The following SDK1 variants were observed in gnomAD, a reference collection of about 807,000 sequenced individuals.
SDK1 encodes the protein protein sidekick-1.
A neutral mutation model predicts 245.5 loss-of-function variants in SDK1; 157 were observed. That is an observed-to-expected ratio of 0.64 (90% confidence interval 0.56 to 0.73). The LOEUF (loss-of-function observed/expected upper bound fraction) is 0.73, where lower values mean the gene tolerates loss of function less well. Among genes scored for constraint, SDK1 ranks in the 30% least tolerant of loss-of-function variants. The pLI, the probability that SDK1 is intolerant of heterozygous loss-of-function variation, is 0.00. For missense variants in SDK1, 3,583 were observed against 3,002.3 expected (o/e 1.19, Z -4.52); for synonymous variants, 1,647 against 1,278.5 (o/e 1.29, Z -6.15).
intron 35 of SDK1, among the ~76,000 whole-genome samples, chr7:4,182,407 G>T (rs186893806): frequency 1.3e-5 from 2 of 152,190 alleles, no homozygotes; most frequent in Admixed American, 1.3e-4. Context: ...TTGCCCCAGG[G>T]GTATTGCCAG....
intron 19 of SDK1, among the ~76,000 whole-genome samples, chr7:4,062,191 C>T (rs148361353): frequency 2.0e-5 from 3 of 151,994 alleles, no homozygotes; most frequent in Non-Finnish European, 4.4e-5. Context: ...AGGGAAGATA[C>T]ACAAAATCAA....
rs150913563 is a variant in SDK1, at chr7:3,994,723, A to G, written c.2131+7401A>G. Among the ~76,000 whole-genome samples the G allele has an allele frequency of 1.5e-3, 235 of 152,104 alleles. 2 individuals carry two copies. The highest frequency in any genetic ancestry group is 3.1e-4 in the Non-Finnish European group (21 of 68,012). ...ATTCTCTCCAACAAATCAATCAATAAATTTTATAGGGTTTACCTCATGCAT... is the reference window on the plus strand; with the variant it reads ...ATTCTCTCCAACAAATCAATCAATAGATTTTATAGGGTTTACCTCATGCAT... On this transcript the variant is annotated intron_variant, in intron 14 of 44. Transcript: ENST00000404826.
intron 1 of SDK1, among the ~76,000 whole-genome samples, chr7:3,335,105 A>G (rs1405435829): frequency 6.6e-6 from 1 of 152,222 alleles, no homozygotes; most frequent in African/African-American, 2.4e-5. Flanking sequence ...GGCCACCATC[A>G]TCACTAATAA....
chr7:3,441,357 C>A (rs1192177503), intron 1 of SDK1, among the ~76,000 whole-genome samples: 1 of 152,072 alleles, frequency 6.6e-6, no homozygotes, highest in East Asian at 1.9e-4. Flanking sequence ...TCTTGTACAT[C>A]ATGACATGTG....
At chr7:3,569,321 T>C (rs1051528394) in intron 1 of SDK1, among the ~76,000 whole-genome samples, 1 of 152,160 alleles carries the variant, frequency 6.6e-6, no homozygotes, top group South Asian at 2.1e-4. Context: ...CCGTGCATGA[T>C]TTGAGTGATC....
chr7:3,803,554 A>C (rs1192694706), intron 4 of SDK1, among the ~76,000 whole-genome samples: 1 of 150,700 alleles, frequency 6.6e-6, no homozygotes, highest in Non-Finnish European at 1.5e-5. Flanking sequence ...CAAGTGACTC[A>C]CCCACCTCAG....
At chr7:3,618,981 T>C in intron 1 of SDK1, 99 bp from the exon 2 acceptor site, 1 of 1,024,050 alleles carries the variant, frequency 9.8e-7, no homozygotes. Flanking sequence ...ACTTTCATTT[T>C]AATATTACGT....
chr7:3,683,921 A>T (rs1583304444), intron 4 of SDK1, among the ~76,000 whole-genome samples: 1 of 151,926 alleles, frequency 6.6e-6, no homozygotes, highest in Non-Finnish European at 1.5e-5. Context: ...TGTGTTGGCC[A>T]CTCCTGTCCC....
intron 17 of SDK1, among the ~76,000 whole-genome samples, chr7:4,018,743 G>T (rs1173778714): frequency 6.6e-6 from 1 of 152,190 alleles, no homozygotes; most frequent in African/African-American, 2.4e-5. Flanking sequence ...TTTGGACTCT[G>T]GCTTTTATTC....
chr7:4,077,087 G>C lies in SDK1; in HGVS notation c.3100G>C (p.Gly1034Arg), dbSNP rs1175605826. 8 of 1,614,196 alleles carry C rather than the reference G, an allele frequency of 5.0e-6. No homozygotes were observed. The highest frequency in any genetic ancestry group is 6.8e-6 in the Non-Finnish European group (8 of 1,180,026). ...CACGACGCACGAGTACAAGATCCAA[G>C]GCCTCTCATCTCTCACCACCTACAC... The part of the protein sequence containing the change: ...NSTTHEYKIQ[G>R]LSSLTTYTID... Residue 1034 changes from glycine to arginine, a missense_variant, in exon 21 of 45, where the codon GGC (glycine) becomes CGC (arginine). Transcript: ENST00000404826.
intron 1 of SDK1, among the ~76,000 whole-genome samples, chr7:3,493,414 A>G (rs964862596): frequency 2.0e-5 from 3 of 152,162 alleles, no homozygotes; most frequent in African/African-American, 7.2e-5. Context: ...ATTTTAATGG[A>G]TGCTTATAGT....
At chr7:3,862,081 G>T (rs964082272) in intron 5 of SDK1, among the ~76,000 whole-genome samples, 1 of 152,178 alleles carries the variant, frequency 6.6e-6, no homozygotes, top group Non-Finnish European at 1.5e-5. Flanking sequence ...GTGGGTGGGG[G>T]AGTTTCCTGC....
At chr7:4,232,411 C>CTTTTT (rs71032930) in intron 40 of SDK1, among the ~76,000 whole-genome samples, 17 of 98,774 alleles carry the variant, frequency 1.7e-4, no homozygotes, top group East Asian at 1.6e-3. Context: ...TCTTTTCTTT[C>CTTTTT]TTTTTTTTTT....
chr7:3,545,693 G>C (rs1779201740), intron 1 of SDK1, among the ~76,000 whole-genome samples: 1 of 152,150 alleles, frequency 6.6e-6, no homozygotes, highest in African/African-American at 2.4e-5. Flanking sequence ...CATTTTACCA[G>C]GCCAGAGCTG....
At chr7:4,048,484 C>A (rs946746499) in intron 17 of SDK1, among the ~76,000 whole-genome samples, 7 of 152,180 alleles carry the variant, frequency 4.6e-5, no homozygotes, top group African/African-American at 1.4e-4. Flanking sequence ...CGCTTCCCCC[C>A]ACCCCTCGTC....
chr7:4,011,587 C>G (rs1247016255), intron 15 of SDK1, among the ~76,000 whole-genome samples: 1 of 152,242 alleles, frequency 6.6e-6, no homozygotes, highest in African/African-American at 2.4e-5. Context: ...TCTGAAAAAT[C>G]TCATTCGGAG....
chr7:3,509,645 T>G (rs1782512585), intron 1 of SDK1, among the ~76,000 whole-genome samples: 1 of 152,138 alleles, frequency 6.6e-6, no homozygotes. Flanking sequence ...GGGCCCCTCT[T>G]CCTCAACTGT....
chr7:3,978,173 A>T (rs1196063884), intron 13 of SDK1, among the ~76,000 whole-genome samples: 1 of 151,956 alleles, frequency 6.6e-6, no homozygotes, highest in African/African-American at 2.4e-5. Context: ...TTTTAAAGCT[A>T]CCTTTGAGAA....
At chr7:3,650,160 C>G (rs1782966082) in intron 4 of SDK1, among the ~76,000 whole-genome samples, 1 of 152,216 alleles carries the variant, frequency 6.6e-6, no homozygotes, top group Non-Finnish European at 1.5e-5. Context: ...AGCCGTCCTC[C>G]TGCTTTGGCC....
Sources: gnomAD v4.1 joint callset for allele counts (sites outside exome capture counted in the v4.1 genomes callset) on GRCh38, gnomAD v4.1.1 for gene constraint, MANE v1.5 for transcripts, NCBI Gene and HGNC (gene_info 2026-07-23, HGNC 2026-07-21) for gene names.